Variants in ALK observed in about 807,000 individuals in gnomAD.
The protein encoded by ALK is ALK tyrosine kinase receptor.
In ALK, 74 loss-of-function variants were observed where a neutral mutation model predicts 163.1. The observed-to-expected ratio is 0.45, with a 90% confidence interval of 0.38 to 0.55. The LOEUF is 0.55. Among genes scored for constraint, ALK ranks in the 20% least tolerant of loss-of-function variants. The pLI, the probability that ALK is intolerant of heterozygous loss-of-function variation, is 0.00. For missense variants in ALK, 2,063 were observed against 2,105.3 expected (o/e 0.98, Z 0.39); for synonymous variants, 960 against 843.2 (o/e 1.14, Z -2.40).
At chr2:29,310,479 C>T (rs6750752) in intron 8 of ALK, among the ~76,000 whole-genome samples, 110,386 of 152,096 alleles carry the variant, frequency 0.73, 41,289 homozygotes, top group Non-Finnish European at 0.81. Flanking sequence ...CTAGGGTGTT[C>T]GAAGGCCCTC....
At chr2:29,820,162 G>A (rs917811536) in intron 1 of ALK, among the ~76,000 whole-genome samples, 2 of 152,222 alleles carry the variant, frequency 1.3e-5, no homozygotes, top group Non-Finnish European at 2.9e-5. Flanking sequence ...TACAGGATTA[G>A]GTTACAGAAG....
intron 26 of ALK, among the ~76,000 whole-genome samples, chr2:29,202,873 A>G (rs1306890357): frequency 6.6e-6 from 1 of 152,212 alleles, no homozygotes; most frequent in Non-Finnish European, 1.5e-5. Flanking sequence ...GCAAGTGAAC[A>G]TCCAGCGCCC....
intron 3 of ALK, among the ~76,000 whole-genome samples, chr2:29,623,246 A>G (rs1276789506): frequency 6.6e-6 from 1 of 152,214 alleles, no homozygotes; most frequent in African/African-American, 2.4e-5. Flanking sequence ...TGAAAAAATG[A>G]TCTTCATGAT....
chr2:29,223,229 C>A (rs2148170254), intron 20 of ALK, 113 bp downstream of exon 20: 2 of 1,167,000 alleles, frequency 1.7e-6, no homozygotes, highest in South Asian at 2.6e-5. Context: ...CTAGGGGTGC[C>A]CATAGGGAGG....
At chr2:29,672,707 C>T (rs1056896217) in intron 3 of ALK, among the ~76,000 whole-genome samples, 4 of 152,024 alleles carry the variant, frequency 2.6e-5, no homozygotes, top group East Asian at 1.9e-4. Context: ...TGGGATGGCT[C>T]GGTCAAATGG....
rs867183019 is a variant in ALK at position 29,368,438 on chromosome 2, G to C, written c.1282+15294C>G. Among the ~76,000 whole-genome samples the C allele has an allele frequency of 1.6e-4, 24 of 152,144 alleles. 1 individual carries two copies. Among genetic ancestry groups the C allele is most frequent in the African/African-American group, 5.8e-4 (24 of 41,412 alleles). ...CGGAATTTCTGGTGATGTTGCAACAGGTAATATAATAACATGAGTATGCAA... is the reference window on the plus strand; with the variant it reads ...CGGAATTTCTGGTGATGTTGCAACACGTAATATAATAACATGAGTATGCAA... On this transcript the variant is annotated intron_variant, in intron 5 of 28. Coordinates refer to ENST00000389048, the MANE Select transcript of ALK (RefSeq NM_004304.5).
rs373381881 is a variant in ALK, at chr2:29,210,882, C to T, written c.3744-1004G>A. On this transcript the variant is annotated intron_variant, in intron 24 of 28. Coordinates refer to ENST00000389048, the MANE Select transcript of ALK (RefSeq NM_004304.5). ...CCTCTGAGGCATGGTCAACCGCTGT[C>T]CAAGACTCATCAGCTTCTACTCTCT... 1.4e-4 allele frequency among the ~76,000 whole-genome samples: 21 copies of T among 152,272 alleles called. No individual in the cohort carries two copies. The East Asian group carries it at 1.9e-3, about 14-fold the overall frequency.
At chr2:29,843,206 G>T (rs796265736) in intron 1 of ALK, among the ~76,000 whole-genome samples, 6 of 152,214 alleles carry the variant, frequency 3.9e-5, no homozygotes, top group African/African-American at 1.4e-4. Flanking sequence ...AGCTAGAAGG[G>T]GTCTCGGTGC....
intron 1 of ALK, among the ~76,000 whole-genome samples, chr2:29,835,632 T>A (rs565727295): frequency 6.6e-6 from 1 of 152,166 alleles, no homozygotes; most frequent in East Asian, 1.9e-4. Context: ...CCCACTCAAA[T>A]CTCATCTTGA....
At position 29,920,247 on chromosome 2, in the gene ALK, G is replaced by A. The variant is rs2148443325; in HGVS notation, c.413C>T (p.Ala138Val). The A allele has an allele frequency of 6.2e-7, 1 of 1,608,184 alleles. No individual in the cohort carries two copies. The highest frequency in any genetic ancestry group is 8.5e-7 in the Non-Finnish European group (1 of 1,177,956). The change falls in exon 1 of 29, where the codon GCC becomes GTC. Residue 138 changes from alanine (A) to valine (V), a missense_variant. By Grantham distance (64) the Ala-to-Val change is moderately conservative. Transcript: ENST00000389048. ...GCCCAGCTCCAGCACCAACTGCTTG[G>A]CACGCCGGAGCTTGCGCACGGAGCC... ...KGGSVRKLRR[A>V]KQLVLELGEE... is the part of the protein sequence containing the mutation.
intron 13 of ALK, among the ~76,000 whole-genome samples, chr2:29,235,753 C>CA (rs1664355875): frequency 6.7e-6 from 1 of 149,644 alleles, no homozygotes; most frequent in South Asian, 2.1e-4. Flanking sequence ...AGTGCAGTGG[C>CA]ATGATCATAG....
At chr2:29,207,990 CATTA>C (rs759567215) in intron 25 of ALK, 26 of 437,110 alleles carry the variant, frequency 5.9e-5, no homozygotes, top group Non-Finnish European at 8.5e-5. Flanking sequence ...CAGCTGTCGA[CATTA>C]ATTAATTACC....
At chr2:29,285,827 T>C (rs1398743229) in intron 9 of ALK, among the ~76,000 whole-genome samples, 1 of 152,150 alleles carries the variant, frequency 6.6e-6, no homozygotes, top group South Asian at 2.1e-4. Context: ...CCTCCCAAAG[T>C]GCTGGGATTA....
At chr2:29,238,109 C>A (rs901792587) in intron 13 of ALK, among the ~76,000 whole-genome samples, 1 of 152,108 alleles carries the variant, frequency 6.6e-6, no homozygotes, top group South Asian at 2.1e-4. Context: ...CCAGTGTGGC[C>A]GGGTACATAG....
intron 11 of ALK, among the ~76,000 whole-genome samples, chr2:29,267,245 T>C (rs1665245734): frequency 6.6e-6 from 1 of 152,122 alleles, no homozygotes; most frequent in Non-Finnish European, 1.5e-5. Context: ...CATATGAGTT[T>C]GGCAGTGAAC....
chr2:29,769,461 T>G (rs1311278590), intron 1 of ALK, among the ~76,000 whole-genome samples: 2 of 151,940 alleles, frequency 1.3e-5, no homozygotes, highest in African/African-American at 4.8e-5. Context: ...TCCCTGTGGT[T>G]GGACAGGAGA....
At chr2:29,641,773 G>T (rs1676709270) in intron 3 of ALK, among the ~76,000 whole-genome samples, 1 of 152,092 alleles carries the variant, frequency 6.6e-6, no homozygotes, top group Non-Finnish European at 1.5e-5. Flanking sequence ...CTTTAAAGGG[G>T]AACCTTCACT....
chr2:29,598,496 T>C (rs189433093), intron 3 of ALK, among the ~76,000 whole-genome samples: 3 of 152,282 alleles, frequency 2.0e-5, no homozygotes, highest in Non-Finnish European at 4.4e-5. Context: ...TAACAGTTTT[T>C]ATTAGGGACA....
chr2:29,679,738 GGT>G (rs1558438990), intron 3 of ALK, among the ~76,000 whole-genome samples: 2 of 151,204 alleles, frequency 1.3e-5, no homozygotes, highest in Admixed American at 6.6e-5. Flanking sequence ...ATAAGAAAAA[GGT>G]TGTTTAAGCC....
Sources: gnomAD v4.1 joint callset for allele counts (sites outside exome capture counted in the v4.1 genomes callset) on GRCh38, gnomAD v4.1.1 for gene constraint, MANE v1.5 for transcripts, NCBI Gene and HGNC (gene_info 2026-07-23, HGNC 2026-07-21) for gene names.